PPP1R7: variants seen among roughly 807,000 people sequenced by gnomAD.
PPP1R7 encodes protein phosphatase 1 regulatory subunit 22.
Under a neutral mutation model 45.2 loss-of-function variants are expected in PPP1R7, and 18 were observed. The ratio of observed to expected loss-of-function variants is 0.40; its 90% CI spans 0.28 to 0.59. The LOEUF (loss-of-function observed/expected upper bound fraction) is 0.59, where lower values mean the gene tolerates loss of function less well. Among genes scored for constraint, PPP1R7 ranks in the 20% least tolerant of loss-of-function variants. PPP1R7 has a pLI of 0.46. For synonymous variants in PPP1R7, 181 were observed against 183.4 expected (o/e 0.99, Z 0.11); for missense variants, 314 against 455.8 (o/e 0.69, Z 2.83).
chr2:241,166,372 C>G lies in PPP1R7; in HGVS notation c.750C>G (p.Asn250Lys). 6.2e-7 allele frequency: 1 copy of G among 1,614,042 alleles called. No individual in the cohort carries two copies. The highest frequency in any genetic ancestry group is 8.5e-7 in the Non-Finnish European group (1 of 1,179,946). ...TGACCAAGATCGAGGGTCTGCAGAA[C>G]CTGGTGAACCTGCGGGAGCTGTACC... ...NRLTKIEGLQNLVNLRELYLS... is the reference protein window; with the variant it reads ...NRLTKIEGLQKLVNLRELYLS... Residue 250 changes from asparagine to lysine, a missense_variant, in exon 8 of 10, where the codon AAC (asparagine) becomes AAG (lysine). Around this residue, in one of 3 missense-constraint regions of PPP1R7, gnomAD observed 168 missense variants for 285.3 expected, o/e 0.59. Transcript: ENST00000234038.
In PPP1R7 at chr2:241,160,327, C is replaced by T. The variant is rs2067557210; in HGVS notation, c.435-5C>T. ...TTTTTAAAAAACTGTTTTGGTTGTT[C>T]TCAGGATTCTAGATATTTCTTTTAA... On this transcript the variant is annotated splice_region_variant and splice_polypyrimidine_tract_variant and intron_variant, in intron 5 of 9. Coordinates refer to ENST00000234038, the MANE Select transcript of PPP1R7 (RefSeq NM_002712.3). 1.3e-6 allele frequency: 2 copies of T among 1,582,980 alleles called. No individual in the cohort carries two copies. The highest frequency in any genetic ancestry group is 1.2e-5 in the South Asian group (1 of 85,868).
At chr2:241,170,120 G>A (rs1383789088) in intron 9 of PPP1R7, among the ~76,000 whole-genome samples, 1 of 152,206 alleles carries the variant, frequency 6.6e-6, no homozygotes, top group Non-Finnish European at 1.5e-5. Context: ...CCATAGCCCA[G>A]ATGAAAACTG....
chr2:241,149,670 G>C (rs2067190576), upstream of PPP1R7: 8 of 1,546,210 alleles, frequency 5.2e-6, no homozygotes, highest in Admixed American at 1.9e-5. Context: ...CCCCCGGGCC[G>C]GGCAGATGCG....
intron 9 of PPP1R7, among the ~76,000 whole-genome samples, chr2:241,173,360 C>T (rs941266429): frequency 6.6e-6 from 1 of 151,754 alleles, no homozygotes; most frequent in African/African-American, 2.4e-5. Context: ...CCTCCTGCCT[C>T]AGCCTCCCAA....
intron 2 of PPP1R7, 99 bp downstream of exon 2, chr2:241,153,703 A>T (rs1575380176): frequency 6.7e-7 from 1 of 1,482,910 alleles, no homozygotes; most frequent in East Asian, 2.3e-5. Context: ...GTCGGTCTGG[A>T]GAAGGACTGC....
chr2:241,150,658 C>T, intron 1 of PPP1R7, 111 bp downstream of exon 1: 2 of 1,317,138 alleles, frequency 1.5e-6, no homozygotes, highest in Non-Finnish European at 2.0e-6. Flanking sequence ...TGGCCGCCGC[C>T]GCGCGGCCCC....
At chr2:241,162,053 G>T (rs1226549394) in intron 6 of PPP1R7, among the ~76,000 whole-genome samples, 3 of 152,176 alleles carry the variant, frequency 2.0e-5, no homozygotes, top group Admixed American at 2.0e-4. Context: ...GGTGGTTTTG[G>T]CAACAGTCTC....
At chr2:241,149,961 G>C (rs546159148), upstream of PPP1R7, 8 of 1,425,278 alleles carry the variant, frequency 5.6e-6, no homozygotes, top group African/African-American at 1.0e-4. Flanking sequence ...TTTCGCATGG[G>C]TAAAATCCGC....
Position 241,160,358 on chromosome 2 carries a change from T to G in PPP1R7, c.461T>G (p.Leu154Arg), listed in dbSNP as rs1334169726. Residue 154 changes from leucine to arginine, a missense_variant, in exon 6 of 10, where the codon CTG becomes CGG. Around this residue, in one of 3 missense-constraint regions of PPP1R7, gnomAD observed 168 missense variants for 285.3 expected, o/e 0.59. Coordinates refer to ENST00000234038, the MANE Select transcript of PPP1R7 (RefSeq NM_002712.3). Reference sequence around the variant, plus strand: ...ATTCTAGATATTTCTTTTAATCTGCTGAGAAACATCGAAGGGGTTGACAAG... The same window carrying G: ...ATTCTAGATATTTCTTTTAATCTGCGGAGAAACATCGAAGGGGTTGACAAG... ...LEILDISFNLLRNIEGVDKLT... is the reference protein window; with the variant it reads ...LEILDISFNLRRNIEGVDKLT... 6.2e-7 allele frequency: 1 copy of G among 1,606,246 alleles called. No homozygotes were observed.
At chr2:241,170,266 A>G (rs561934897) in intron 9 of PPP1R7, among the ~76,000 whole-genome samples, 1 of 152,252 alleles carries the variant, frequency 6.6e-6, no homozygotes, top group Admixed American at 6.5e-5. Context: ...AGAGAGGCAG[A>G]CGCATTCCCT....
chr2:241,165,749 A>G (rs192336776), intron 7 of PPP1R7, among the ~76,000 whole-genome samples: 2 of 150,988 alleles, frequency 1.3e-5, no homozygotes, highest in African/African-American at 4.9e-5. Flanking sequence ...ACCCGCCACC[A>G]CGCCCGGCTA....
chr2:241,178,142 G>A (rs1219092696), intron 9 of PPP1R7, among the ~76,000 whole-genome samples: 1 of 152,210 alleles, frequency 6.6e-6, no homozygotes, highest in African/African-American at 2.4e-5. Context: ...ACAGGTAGGG[G>A]CTGCTCGAGG....
chr2:241,179,245 G>A (rs1026928804), intron 9 of PPP1R7, among the ~76,000 whole-genome samples: 1 of 152,102 alleles, frequency 6.6e-6, no homozygotes, highest in African/African-American at 2.4e-5. Context: ...TTGCACACAG[G>A]CCCAAGGATC....
At chr2:241,173,203 C>G (rs1051875464) in intron 9 of PPP1R7, among the ~76,000 whole-genome samples, 1 of 139,228 alleles carries the variant, frequency 7.2e-6, no homozygotes. Flanking sequence ...ATCCAGGAGG[C>G]AGAGGTTGCA....
At chr2:241,157,719 C>G (rs1239456453) in intron 2 of PPP1R7, 88 bp from the exon 3 acceptor site, 36 of 1,325,484 alleles carry the variant, frequency 2.7e-5, no homozygotes, top group African/African-American at 7.3e-5. Context: ...GGGCACCAAA[C>G]AGCCCCAGAC....
At chr2:241,182,480 G>T (rs2068021708) in intron 9 of PPP1R7, among the ~76,000 whole-genome samples, 167 bp from the exon 10 acceptor site, 1 of 152,188 alleles carries the variant, frequency 6.6e-6, no homozygotes, top group Admixed American at 6.5e-5. Flanking sequence ...GCTGAAGGTG[G>T]CCAGGATGCA....
intron 8 of PPP1R7, among the ~76,000 whole-genome samples, chr2:241,167,775 A>G (rs1448416420): frequency 6.6e-6 from 1 of 152,260 alleles, no homozygotes; most frequent in African/African-American, 2.4e-5. Context: ...GTTGTATTAA[A>G]GGTAATTACG....
At chr2:241,158,225 T>G (rs989429778) in intron 3 of PPP1R7, among the ~76,000 whole-genome samples, 3 of 152,204 alleles carry the variant, frequency 2.0e-5, no homozygotes, top group African/African-American at 7.2e-5. Flanking sequence ...CCTGAGCTTA[T>G]GTTTTGTGCA....
At chr2:241,180,624 G>A (rs1031745461) in intron 9 of PPP1R7, among the ~76,000 whole-genome samples, 2 of 152,056 alleles carry the variant, frequency 1.3e-5, no homozygotes, top group African/African-American at 4.8e-5. Context: ...GGCCTGGCAG[G>A]TGGATGGCTT....
Sources: gnomAD v4.1 joint callset for allele counts (sites outside exome capture counted in the v4.1 genomes callset) on GRCh38, gnomAD v4.1.1 for gene constraint, gnomAD v4.1.1 regional missense constraint, MANE v1.5 for transcripts, NCBI Gene and HGNC (gene_info 2026-07-23, HGNC 2026-07-21) for gene names.